Variants in ALK observed in about 807,000 individuals in gnomAD.
ALK encodes ALK tyrosine kinase receptor.
ALK carries 74 observed loss-of-function variants against 163.1 expected under a neutral mutation model. That is an observed-to-expected ratio of 0.45 (90% CI 0.38 to 0.55). The LOEUF (loss-of-function observed/expected upper bound fraction) is 0.55, where lower values mean the gene tolerates loss of function less well. Ranked by LOEUF, ALK falls within the 20% of genes least tolerant of loss-of-function variation. The probability of loss-of-function intolerance (pLI) is 0.00; values close to 1 mark genes in which losing one functional copy is unlikely to be tolerated. For synonymous variants in ALK, 960 were observed against 843.2 expected, an observed-to-expected ratio of 1.14 and a Z score of -2.40; for missense variants, 2,063 against 2,105.3, an observed-to-expected ratio of 0.98 and a Z score of 0.39.
rs1482864809 is a variant in ALK at position 29,920,011 on chromosome 2, A to G, written c.649T>C (p.Phe217Leu). ...AIRASQPRLLFQIFGTGHSSL... is the reference protein window; with the variant it reads ...AIRASQPRLLLQIFGTGHSSL... ...TGCTCACCAGTCCCGAAGATCTGGA[A>G]GAGAAGGCGGGGCTGGGAGGCGCGA... Residue 217 changes from phenylalanine to leucine, a missense_variant, in exon 1 of 29, where the codon TTC becomes CTC. Physicochemically the swap from Phe to Leu is conservative, Grantham distance 22. This residue lies in a region of ALK where 987 missense variants were observed against 939.5 expected (regional missense o/e 1.05). Coordinates refer to ENST00000389048, the MANE Select transcript of ALK (RefSeq NM_004304.5). 13 of 1,613,872 alleles carry G rather than the reference A, an allele frequency of 8.1e-6. No individual in the cohort carries two copies. Among genetic ancestry groups the G allele is most frequent in the Non-Finnish European group, 6.8e-6 (8 of 1,179,956 alleles).
chr2:29,740,290 T>C (rs1680016744), intron 1 of ALK, among the ~76,000 whole-genome samples: 1 of 151,916 alleles, frequency 6.6e-6, no homozygotes, highest in African/African-American at 2.4e-5. Flanking sequence ...AGAGCGGATA[T>C]TTATTCAATG....
intron 4 of ALK, among the ~76,000 whole-genome samples, chr2:29,454,960 G>A (rs1350652505): frequency 6.6e-6 from 1 of 152,250 alleles, no homozygotes; most frequent in South Asian, 2.1e-4. Flanking sequence ...GAGGAAGCGG[G>A]CTCAGAGAAG....
At chr2:29,666,995 C>A (rs530126926) in intron 3 of ALK, among the ~76,000 whole-genome samples, 22 of 152,034 alleles carry the variant, frequency 1.4e-4, no homozygotes, top group Admixed American at 6.6e-5. Flanking sequence ...TCAGTTCCAT[C>A]CATGTTGCTG....
chr2:29,820,510 C>G (rs1665019000), intron 1 of ALK, among the ~76,000 whole-genome samples: 1 of 152,164 alleles, frequency 6.6e-6, no homozygotes, highest in Admixed American at 6.5e-5. Context: ...TGTTATGCTG[C>G]AGTAGATAAC....
At chr2:29,245,694 G>A (rs529561913) in intron 12 of ALK, among the ~76,000 whole-genome samples, 22 of 145,550 alleles carry the variant, frequency 1.5e-4, no homozygotes, top group Non-Finnish European at 3.2e-4. Context: ...GGGGCTTTAT[G>A]GCTCAATGCC....
At position 29,920,567 on chromosome 2, in the gene ALK, G is replaced by A. The variant is rs1667968707; in HGVS notation, c.93C>T (p.Ser31=). The change falls in exon 1 of 29, where the codon TCC becomes TCT. Residue 31 remains serine (S), a synonymous_variant. Transcript: ENST00000389048. ...SGMGTGQRAG[S]PAAGPPLQPR... The stretch of plus-strand genomic sequence containing the variant: ...GCTGCAGCGGCGGCCCCGCAGCTGG[G>A]GAGCCCGCGCGCTGGCCGGTCCCCA... 1 of 1,594,166 alleles carries A rather than the reference G, an allele frequency of 6.3e-7. No homozygotes were observed. The highest frequency in any genetic ancestry group is 8.5e-7 in the Non-Finnish European group (1 of 1,173,764).
intron 3 of ALK, among the ~76,000 whole-genome samples, chr2:29,673,885 T>G (rs1460042669): frequency 6.6e-5 from 10 of 151,322 alleles, no homozygotes; most frequent in East Asian, 1.9e-4. Flanking sequence ...CCTTGAAGAG[T>G]TCCTTCACAT....
chr2:29,288,935 G>T (rs1665933535), intron 9 of ALK, among the ~76,000 whole-genome samples: 1 of 129,904 alleles, frequency 7.7e-6, no homozygotes. Flanking sequence ...CTGGGCGACA[G>T]AGGGAGACTC....
intron 9 of ALK, among the ~76,000 whole-genome samples, chr2:29,278,924 G>A (rs948437711): frequency 2.0e-5 from 3 of 152,162 alleles, no homozygotes; most frequent in Admixed American, 6.5e-5. Context: ...TATATGAGGG[G>A]TGTACCTTCC....
At chr2:29,276,421 C>A (rs1665548521) in intron 9 of ALK, among the ~76,000 whole-genome samples, 1 of 152,188 alleles carries the variant, frequency 6.6e-6, no homozygotes, top group Admixed American at 6.5e-5. Context: ...GAAATCATCC[C>A]ATGGAAGGCT....
intron 4 of ALK, among the ~76,000 whole-genome samples, chr2:29,436,491 A>G (rs1670400590): frequency 6.6e-6 from 1 of 152,100 alleles, no homozygotes; most frequent in South Asian, 2.1e-4. Flanking sequence ...CTCCTACATC[A>G]TTTTCATTAG....
At chr2:29,579,894 T>C (rs1213306725) in intron 3 of ALK, among the ~76,000 whole-genome samples, 9 of 152,164 alleles carry the variant, frequency 5.9e-5, no homozygotes, top group Non-Finnish European at 8.8e-5. Flanking sequence ...GGAAAAGCAA[T>C]GATTCACTCT....
intron 1 of ALK, among the ~76,000 whole-genome samples, chr2:29,757,998 G>A (rs1189600884): frequency 7.0e-6 from 1 of 143,496 alleles, no homozygotes; most frequent in Non-Finnish European, 1.5e-5. Flanking sequence ...CACCTTACCC[G>A]CATCCTCTTT....
At chr2:29,587,471 T>G (rs1674920733) in intron 3 of ALK, among the ~76,000 whole-genome samples, 1 of 152,214 alleles carries the variant, frequency 6.6e-6, no homozygotes, top group Admixed American at 6.5e-5. Context: ...TAAATCAAAA[T>G]TTTTGTTTTC....
chr2:29,222,298 G>C lies in ALK; in HGVS notation c.3515+46C>G, dbSNP rs114023028. 1.1e-3 allele frequency: 1,686 copies of C among 1,569,964 alleles called. 14 individuals carry two copies. In the African/African-American group the frequency reaches 0.02, roughly 19 times the overall value. On this transcript the variant is annotated intron_variant, in intron 22 of 28. Transcript: ENST00000389048. ...TGTTAGAAACCTCTCCAGGTTCTTT[G>C]GGGGCAGAGGGGAGTTGGGGTGAGG...
chr2:29,263,415 G>A lies in ALK; in HGVS notation c.2041+11684C>T, dbSNP rs373455447. 1.1e-4 allele frequency among the ~76,000 whole-genome samples: 17 copies of A among 152,208 alleles called. No individual in the cohort carries two copies. The East Asian group carries it at 1.7e-3, about 16-fold the overall frequency. ...AGGCCCTTGGAATTGTAACACTTCC[G>A]ACAGATGAGCAGACGGAGGTGCAGG... is the stretch of plus-strand genomic sequence containing the variant. On this transcript the variant is annotated intron_variant, in intron 11 of 28. Coordinates refer to ENST00000389048, the MANE Select transcript of ALK (RefSeq NM_004304.5).
chr2:29,532,377 CCTACTT>C (rs1673144387), intron 3 of ALK, among the ~76,000 whole-genome samples: 2 of 152,310 alleles, frequency 1.3e-5, no homozygotes, highest in East Asian at 3.9e-4. Flanking sequence ...TCCCCTACTT[CCTACTT>C]CTGTGTCCTA....
chr2:29,552,432 TC>T (rs1211446969), intron 3 of ALK, among the ~76,000 whole-genome samples: 1 of 152,188 alleles, frequency 6.6e-6, no homozygotes, highest in Non-Finnish European at 1.5e-5. Flanking sequence ...CAGACTGTTT[TC>T]CATGGCAACT....
Position 29,193,099 on chromosome 2 carries a change from CT to C in ALK, c.*124del, listed in dbSNP as rs1258988316. 4 of 1,107,848 alleles carry C rather than the reference CT, an allele frequency of 3.6e-6. No individual in the cohort carries two copies. The Admixed American group carries it at 8.2e-5, about 23-fold the overall frequency. 68.6% of individuals were successfully genotyped at this position (1,107,848 alleles called of 1,614,324 possible). ...TCAAAATACAGCTTTTTTGGTGGTA[CT>C]TCAAAATAGGTTGGCACAAAACAAA... is the stretch of plus-strand genomic sequence containing the variant. On this transcript the variant is annotated 3_prime_UTR_variant, in exon 29 of 29. Transcript: ENST00000389048.
Sources: allele counts gnomAD v4.1 joint callset (sites outside exome capture counted in the v4.1 genomes callset), GRCh38; gene constraint gnomAD v4.1.1; regional missense constraint gnomAD v4.1.1; transcripts MANE v1.5; gene names NCBI Gene and HGNC (gene_info 2026-07-23, HGNC 2026-07-21).